The following IQSEC1 variants were observed in gnomAD, a reference collection of about 807,000 sequenced individuals.
IQSEC1 encodes IQ motif and SEC7 domain-containing protein 1.
Under a neutral mutation model 91.0 loss-of-function variants are expected in IQSEC1, and 31 were observed. That is an observed-to-expected ratio of 0.34 (90% CI 0.26 to 0.46). The LOEUF is 0.46. Among genes scored for constraint, IQSEC1 ranks in the 20% least tolerant of loss-of-function variants. The pLI, the probability that IQSEC1 is intolerant of heterozygous loss-of-function variation, is 1.00. For missense variants in IQSEC1, 1,388 were observed against 1,575.6 expected (o/e 0.88, Z 2.02); for synonymous variants, 699 against 662.6 (o/e 1.05, Z -0.84).
At chr3:12,920,040 C>T (rs1343171084) in intron 6 of IQSEC1, among the ~76,000 whole-genome samples, 1 of 152,246 alleles carries the variant, frequency 6.6e-6, no homozygotes, top group Non-Finnish European at 1.5e-5. Context: ...TTACTTTCTA[C>T]ATGTGGCAAA....
intron 1 of IQSEC1, among the ~76,000 whole-genome samples, chr3:13,266,051 T>C (rs1284867752): frequency 6.6e-6 from 1 of 151,606 alleles, no homozygotes; most frequent in East Asian, 1.9e-4. Context: ...GAAATGATCA[T>C]GACCGAGGTC....
At chr3:13,156,000 C>A (rs1010838897) in intron 2 of IQSEC1, among the ~76,000 whole-genome samples, 105 of 151,632 alleles carry the variant, frequency 6.9e-4, no homozygotes, top group African/African-American at 2.5e-3. Flanking sequence ...GGGTGGATTA[C>A]CTGAGGTCAG....
At chr3:12,932,657 G>A (rs1251539166) in intron 3 of IQSEC1, among the ~76,000 whole-genome samples, 1 of 152,196 alleles carries the variant, frequency 6.6e-6, no homozygotes, top group African/African-American at 2.4e-5. Context: ...GACCACAACA[G>A]CTGCCATCCA....
intron 2 of IQSEC1, among the ~76,000 whole-genome samples, chr3:12,939,023 C>G (rs1055207287): frequency 6.6e-6 from 1 of 152,174 alleles, no homozygotes; most frequent in African/African-American, 2.4e-5. Context: ...TTTCCCGGGA[C>G]CCAGTGGATG....
chr3:12,945,438 C>T (rs1049589767), intron 1 of IQSEC1, among the ~76,000 whole-genome samples: 4 of 151,702 alleles, frequency 2.6e-5, no homozygotes, highest in Admixed American at 6.6e-5. Flanking sequence ...ATCCCTCCCC[C>T]GACTCAAACG....
chr3:13,038,114 G>A (rs764054778), intron 1 of IQSEC1, among the ~76,000 whole-genome samples: 5 of 150,772 alleles, frequency 3.3e-5, no homozygotes, highest in Admixed American at 6.6e-5. Context: ...TAGCAACGCT[G>A]TAAAAATATG....
intron 1 of IQSEC1, among the ~76,000 whole-genome samples, chr3:13,194,398 G>C (rs188298846): frequency 1.3e-3 from 198 of 152,238 alleles, no homozygotes; most frequent in African/African-American, 4.4e-3. Flanking sequence ...CTCTCACTGG[G>C]CTCTGGGGAC....
rs761530722 is a variant in IQSEC1 at position 13,214,242 on chromosome 3, A to G, written c.273-50109T>C. Among the ~76,000 whole-genome samples the G allele has an allele frequency of 2.6e-5, 4 of 152,178 alleles. No homozygotes were observed. The highest frequency in any genetic ancestry group is 5.9e-5 in the Non-Finnish European group (4 of 68,022). On this transcript the variant is annotated intron_variant, in intron 1 of 15. Coordinates refer to the IQSEC1 transcript ENST00000648114. The surrounding 1 kb of genome is among the most constrained non-coding windows in gnomAD (Gnocchi z 4.5). ...GGGGCTTCTAAGCCTTTGAGAGCCAACCTGCCCTGGCCGGGTGAGACTAAC... is the reference window on the plus strand; with the variant it reads ...GGGGCTTCTAAGCCTTTGAGAGCCAGCCTGCCCTGGCCGGGTGAGACTAAC...
chr3:13,161,512 G>A (rs924793185), intron 2 of IQSEC1, among the ~76,000 whole-genome samples: 25 of 152,116 alleles, frequency 1.6e-4, no homozygotes, highest in African/African-American at 5.8e-4. Context: ...GGGACCTCTG[G>A]TCCTGAGAAA....
intron 2 of IQSEC1, among the ~76,000 whole-genome samples, chr3:13,085,326 C>T (rs142782891): frequency 9.2e-5 from 14 of 152,148 alleles, no homozygotes; most frequent in African/African-American, 3.1e-4. Flanking sequence ...GGGCAAGCAC[C>T]CTTATCAGAG....
At chr3:13,173,336 C>A (rs900944279) in intron 1 of IQSEC1, among the ~76,000 whole-genome samples, 1 of 152,230 alleles carries the variant, frequency 6.6e-6, no homozygotes, top group Non-Finnish European at 1.5e-5. Context: ...CCCTCACCCA[C>A]CTGTCCCCAG....
At chr3:12,907,451 G>A (rs1377019557) in intron 12 of IQSEC1, among the ~76,000 whole-genome samples, 2 of 152,188 alleles carry the variant, frequency 1.3e-5, no homozygotes, top group Non-Finnish European at 1.5e-5. Context: ...GGCCACTGCA[G>A]CCCCAGGCAG....
intron 1 of IQSEC1, among the ~76,000 whole-genome samples, chr3:12,953,535 CG>C (rs1363047988): frequency 6.6e-6 from 1 of 152,176 alleles, no homozygotes; most frequent in Non-Finnish European, 1.5e-5. Flanking sequence ...CTTTTCAAAG[CG>C]GGAGGCTATT....
chr3:13,050,486 C>T (rs1034381242), intron 1 of IQSEC1, among the ~76,000 whole-genome samples: 1 of 152,154 alleles, frequency 6.6e-6, no homozygotes, highest in Non-Finnish European at 1.5e-5. Flanking sequence ...GCTTTGCAAA[C>T]CAGAAAACGC....
At chr3:13,095,922 T>A (rs548499074) in intron 2 of IQSEC1, among the ~76,000 whole-genome samples, 1 of 152,294 alleles carries the variant, frequency 6.6e-6, no homozygotes, top group South Asian at 2.1e-4. Flanking sequence ...CACTGATTTA[T>A]TCACACATGC....
At chr3:12,995,711 C>T (rs373650404) in intron 1 of IQSEC1, among the ~76,000 whole-genome samples, 4 of 152,196 alleles carry the variant, frequency 2.6e-5, no homozygotes, top group East Asian at 3.8e-4. Flanking sequence ...GAATAAGGAA[C>T]GGCCCAGCTC....
chr3:13,114,488 T>C (rs894660066), intron 2 of IQSEC1, among the ~76,000 whole-genome samples: 6 of 152,198 alleles, frequency 3.9e-5, no homozygotes, highest in Non-Finnish European at 8.8e-5. Flanking sequence ...GGGTCTGACA[T>C]TTTTTAAAAT....
At chr3:13,111,873 C>T (rs559206043) in intron 2 of IQSEC1, among the ~76,000 whole-genome samples, 81 of 152,224 alleles carry the variant, frequency 5.3e-4, no homozygotes, top group South Asian at 1.9e-3. Context: ...AATATATTCC[C>T]GTAGTTTAAG....
At chr3:13,114,610 G>A (rs1227474619) in intron 2 of IQSEC1, among the ~76,000 whole-genome samples, 1 of 152,024 alleles carries the variant, frequency 6.6e-6, no homozygotes, top group East Asian at 1.9e-4. Context: ...TGGGCAACAT[G>A]GTGAAACCCT....
Sources: gnomAD v4.1 joint callset for allele counts (sites outside exome capture counted in the v4.1 genomes callset) on GRCh38, gnomAD v4.1.1 for gene constraint, Gnocchi (gnomAD v3.1) non-coding constraint, MANE v1.5 for transcripts, NCBI Gene and HGNC (gene_info 2026-07-23, HGNC 2026-07-21) for gene names.